The following PITPNC1 variants were observed in gnomAD, a reference collection of about 807,000 sequenced individuals.
PITPNC1 encodes phosphatidylinositol transfer protein cytoplasmic 1.
PITPNC1 carries 18 observed loss-of-function variants against 44.7 expected under a neutral mutation model. That is an observed-to-expected ratio of 0.40 (90% confidence interval 0.28 to 0.60). The LOEUF (loss-of-function observed/expected upper bound fraction) is 0.60. PITPNC1 is among the 20% of genes least tolerant of loss of function. The probability of loss-of-function intolerance (pLI) is 0.39; values close to 1 mark genes in which losing one functional copy is unlikely to be tolerated. For missense variants in PITPNC1, 290 were observed against 418.4 expected, an observed-to-expected ratio of 0.69 and a Z score of 2.68; for synonymous variants, 141 against 149.6, an observed-to-expected ratio of 0.94 and a Z score of 0.42.
chr17:67,454,785 T>TA (rs1277846015), intron 1 of PITPNC1, among the ~76,000 whole-genome samples: 4 of 151,836 alleles, frequency 2.6e-5, no homozygotes, highest in African/African-American at 9.7e-5. Flanking sequence ...GACAATTGTG[T>TA]ACATAATACA....
Position 67,513,353 on chromosome 17 carries a change from G to GTATCTATATCTATATCTATATCTATA in PITPNC1, c.49-19447_49-19422dup, listed in dbSNP as rs1555660319. ...AGCCTGGGTGACACAGGAAGAGTCTGTATCTATATCTATATCTATATCTAT... is the reference window on the plus strand; with the variant it reads ...AGCCTGGGTGACACAGGAAGAGTCTGTATCTATATCTATATCTATATCTATATATCTATATCTATATCTATATCTAT... On this transcript the variant is annotated intron_variant, in intron 1 of 8. Transcript: ENST00000581322. Among the ~76,000 whole-genome samples the GTATCTATATCTATATCTATATCTATA allele has an allele frequency of 2.0e-3, 274 of 139,238 alleles. 1 individual carries two copies. The highest frequency in any genetic ancestry group is 7.2e-3 in the African/African-American group (265 of 37,002). The allele number at this position is 139,238 out of a possible 152,430, so 91.3% of individuals were successfully genotyped here. A position where few individuals can be genotyped will look rare whatever the true frequency, so the allele number is the denominator to read the frequency against.
chr17:67,431,120 G>A (rs1318556156), intron 1 of PITPNC1, among the ~76,000 whole-genome samples: 1 of 142,190 alleles, frequency 7.0e-6, no homozygotes, highest in Admixed American at 7.5e-5. Context: ...GTGCAGTGGC[G>A]TGATCTTGGC....
chr17:67,665,477 C>T (rs1276141938), intron 6 of PITPNC1, among the ~76,000 whole-genome samples: 1 of 152,094 alleles, frequency 6.6e-6, no homozygotes, highest in Non-Finnish European at 1.5e-5. Flanking sequence ...AAATGGTAAC[C>T]CTATGTTTAA....
intron 6 of PITPNC1, among the ~76,000 whole-genome samples, chr17:67,668,365 T>G (rs1211979526): frequency 6.6e-6 from 1 of 152,214 alleles, no homozygotes; most frequent in African/African-American, 2.4e-5. Flanking sequence ...AGACCACAAT[T>G]TATCTGTCTA....
intron 5 of PITPNC1, among the ~76,000 whole-genome samples, chr17:67,589,711 T>C (rs751075366): frequency 6.6e-5 from 10 of 152,004 alleles, no homozygotes; most frequent in Non-Finnish European, 1.3e-4. Context: ...CTCACACCTA[T>C]AATCTCAGTA....
chr17:67,535,194 A>G (rs1419004199), intron 2 of PITPNC1, among the ~76,000 whole-genome samples: 2 of 152,248 alleles, frequency 1.3e-5, no homozygotes, highest in African/African-American at 4.8e-5. Flanking sequence ...TTCAGTGTCC[A>G]GCCAGCTGTT....
Position 67,432,228 on chromosome 17 carries a change from G to A in PITPNC1, c.48+54026G>A, listed in dbSNP as rs9892267. On this transcript the variant is annotated intron_variant, in intron 1 of 8. Coordinates refer to ENST00000581322, the MANE Select transcript of PITPNC1 (RefSeq NM_012417.4). ...ACACTGGCCGGGTGCGGTGGCTCACGCCTGTAATCCCAGCACTTTGGGAGG... is the reference window on the plus strand; with the variant it reads ...ACACTGGCCGGGTGCGGTGGCTCACACCTGTAATCCCAGCACTTTGGGAGG... Among the ~76,000 whole-genome samples the A allele has an allele frequency of 8.7e-3, 1,327 of 152,256 alleles. 14 individuals carry two copies. Among genetic ancestry groups the A allele is most frequent in the South Asian group, 0.027 (130 of 4,830 alleles).
intron 1 of PITPNC1, among the ~76,000 whole-genome samples, chr17:67,515,857 G>A (rs2040252251): frequency 6.6e-6 from 1 of 152,174 alleles, no homozygotes; most frequent in Non-Finnish European, 1.5e-5. Context: ...TGAAATAACT[G>A]TCACATCAGC....
chr17:67,693,030 T>C lies in PITPNC1; in HGVS notation c.*142T>C, dbSNP rs2042958075. 4 of 613,326 alleles carry C rather than the reference T, an allele frequency of 6.5e-6. No homozygotes were observed. The South Asian group carries it at 8.1e-5, about 12-fold the overall frequency. The allele number at this position is 613,326 out of a possible 1,614,324, so 38.0% of individuals were successfully genotyped here. On this transcript the variant is annotated 3_prime_UTR_variant, in exon 9 of 9. Transcript: ENST00000581322. The stretch of plus-strand genomic sequence containing the variant: ...TTCAGTGTGCATGTGACTCAGTAAC[T>C]TCACATAGAATATGATTCCCTAAGT...
At chr17:67,411,950 C>T (rs899322305) in intron 1 of PITPNC1, among the ~76,000 whole-genome samples, 5 of 152,074 alleles carry the variant, frequency 3.3e-5, no homozygotes, top group African/African-American at 1.2e-4. Flanking sequence ...AGAGTGCAAG[C>T]TCCCTTCCCA....
At chr17:67,500,831 G>A (rs531241042) in intron 1 of PITPNC1, among the ~76,000 whole-genome samples, 13 of 151,126 alleles carry the variant, frequency 8.6e-5, no homozygotes, top group South Asian at 4.2e-4. Flanking sequence ...CCGCAGGCGC[G>A]CACACCACCA....
At chr17:67,425,436 CCT>C (rs1416726529) in intron 1 of PITPNC1, among the ~76,000 whole-genome samples, 1 of 150,806 alleles carries the variant, frequency 6.6e-6, no homozygotes, top group African/African-American at 2.4e-5. Context: ...TCTTTCTTTT[CCT>C]CTCTCTTTCT....
intron 5 of PITPNC1, among the ~76,000 whole-genome samples, chr17:67,616,758 A>C (rs2041762880): frequency 6.6e-6 from 1 of 151,204 alleles, no homozygotes; most frequent in African/African-American, 2.4e-5. Context: ...TATCCTTTTT[A>C]CTCTTAGATC....
chr17:67,456,641 C>A (rs1459154323), intron 1 of PITPNC1, among the ~76,000 whole-genome samples: 1 of 151,816 alleles, frequency 6.6e-6, no homozygotes, highest in African/African-American at 2.4e-5. Context: ...CAGTTTTTTT[C>A]TTATTTAGTG....
intron 1 of PITPNC1, among the ~76,000 whole-genome samples, chr17:67,478,888 T>TG (rs35889060): frequency 0.05 from 7,342 of 147,860 alleles, 244 homozygotes; most frequent in Middle Eastern, 0.11. Context: ...TCTTCAATCT[T>TG]TTTTTTTTTT....
intron 6 of PITPNC1, among the ~76,000 whole-genome samples, chr17:67,642,706 C>T (rs2042104863): frequency 6.6e-6 from 1 of 152,074 alleles, no homozygotes; most frequent in South Asian, 2.1e-4. Flanking sequence ...GTGCCTAGTG[C>T]TGATTTTAAA....
intron 4 of PITPNC1, among the ~76,000 whole-genome samples, chr17:67,577,062 G>A (rs1165986618): frequency 3.3e-5 from 5 of 151,264 alleles, no homozygotes; most frequent in African/African-American, 7.3e-5. Context: ...CGGGAGAATC[G>A]CATAAGGCCG....
intron 1 of PITPNC1, among the ~76,000 whole-genome samples, chr17:67,494,185 T>TTCTTTCTTTCTTTTTC: frequency 2.9e-5 from 3 of 102,428 alleles, no homozygotes; most frequent in African/African-American, 1.1e-4. Flanking sequence ...CTTTCTTTCT[T>TTCTTTCTTTCTTTTTC]TTTCTTTCTT....
At chr17:67,634,109 CT>C (rs1372042030) in intron 6 of PITPNC1, among the ~76,000 whole-genome samples, 2 of 152,220 alleles carry the variant, frequency 1.3e-5, no homozygotes, top group African/African-American at 4.8e-5. Flanking sequence ...ATTCGAGGAG[CT>C]TTTCCTTCAT....
Sources: gnomAD v4.1 joint callset for allele counts (sites outside exome capture counted in the v4.1 genomes callset) on GRCh38, gnomAD v4.1.1 for gene constraint, MANE v1.5 for transcripts, NCBI Gene and HGNC (gene_info 2026-07-23, HGNC 2026-07-21) for gene names.